PTPRD: variants seen among roughly 807,000 people sequenced by gnomAD.
PTPRD encodes the protein protein tyrosine phosphatase receptor type D, also known as receptor-type tyrosine-protein phosphatase delta.
PTPRD carries 34 observed loss-of-function variants against 214.5 expected under a neutral mutation model. That is an observed-to-expected ratio of 0.16 (90% confidence interval 0.12 to 0.21). The LOEUF (loss-of-function observed/expected upper bound fraction) is 0.21. Ranked by LOEUF, PTPRD falls within the 10% of genes least tolerant of loss-of-function variation. The pLI is 1.00. For missense variants in PTPRD, 2,545 were observed against 2,398.7 expected (o/e 1.06, Z -1.27); for synonymous variants, 1,128 against 845.7 (o/e 1.33, Z -5.79).
intron 5 of PTPRD, among the ~76,000 whole-genome samples, chr9:9,823,957 G>C (rs982248604): frequency 1.3e-5 from 2 of 151,810 alleles, no homozygotes; most frequent in Admixed American, 6.6e-5. Flanking sequence ...TTTTATGTTT[G>C]TATCAAAATA....
chr9:10,598,814 T>G (rs2077269564), intron 2 of PTPRD, among the ~76,000 whole-genome samples: 1 of 150,992 alleles, frequency 6.6e-6, no homozygotes, highest in Non-Finnish European at 1.5e-5. Context: ...CTATTACAGA[T>G]TCAGAGAGTA....
chr9:9,345,454 G>C (rs377221252), intron 9 of PTPRD, among the ~76,000 whole-genome samples: 5 of 151,986 alleles, frequency 3.3e-5, no homozygotes, highest in African/African-American at 1.2e-4. Context: ...ACTAGGAATG[G>C]ACCCTGGGCT....
Position 8,317,840 on chromosome 9 carries a change from C to G in PTPRD, c.*34G>C, listed in dbSNP as rs201687555. 3 of 1,597,004 alleles carry G rather than the reference C, an allele frequency of 1.9e-6. No individual in the cohort carries two copies. Among genetic ancestry groups the G allele is most frequent in the Non-Finnish European group, 8.6e-7 (1 of 1,165,294 alleles). On this transcript the variant is annotated 3_prime_UTR_variant, in exon 46 of 46. Transcript: ENST00000381196. ...AAGAGACTCCATGGATATTGAAGGG[C>G]CTGTAGTAAAAATCCAGAATGGGTC...
chr9:8,488,091 A>G (rs2097070213), intron 27 of PTPRD, among the ~76,000 whole-genome samples: 1 of 152,156 alleles, frequency 6.6e-6, no homozygotes, highest in African/African-American at 2.4e-5. Context: ...GTAATGGGAA[A>G]CAGGTGATAA....
chr9:8,597,656 T>C (rs1205169979), intron 14 of PTPRD, among the ~76,000 whole-genome samples: 1 of 152,208 alleles, frequency 6.6e-6, no homozygotes, highest in African/African-American at 2.4e-5. Flanking sequence ...TAAATCAATA[T>C]CAATTTCATG....
chr9:9,636,273 T>C (rs899555110), intron 7 of PTPRD, among the ~76,000 whole-genome samples: 17 of 152,236 alleles, frequency 1.1e-4, no homozygotes, highest in African/African-American at 3.6e-4. Flanking sequence ...TTTTAAACAA[T>C]GTCTAGGACT....
chr9:9,679,748 C>A (rs1161734270), intron 7 of PTPRD, among the ~76,000 whole-genome samples: 1 of 151,962 alleles, frequency 6.6e-6, no homozygotes, highest in East Asian at 1.9e-4. Context: ...TAACCAAAAT[C>A]ATGAAGGCCT....
intron 9 of PTPRD, among the ~76,000 whole-genome samples, chr9:9,289,548 T>A (rs2134018883): frequency 6.6e-6 from 1 of 151,964 alleles, no homozygotes; most frequent in East Asian, 2.0e-4. Flanking sequence ...ACTATATTCA[T>A]CATACTGTAA....
chr9:8,893,532 A>C (rs953193615), intron 11 of PTPRD, among the ~76,000 whole-genome samples: 2 of 152,190 alleles, frequency 1.3e-5, no homozygotes, highest in African/African-American at 2.4e-5. Flanking sequence ...AAGCAAACAA[A>C]TAGCAATCTG....
rs1187365479 is a variant in PTPRD, at chr9:9,607,005, A to AAAAAAAAAAAT, written c.-286-32225_-286-32224insATTTTTTTTTT. Among the ~76,000 whole-genome samples, 37 of 119,676 alleles carry AAAAAAAAAAAT rather than the reference A, an allele frequency of 3.1e-4. 7 individuals are homozygous for AAAAAAAAAAAT. The highest frequency in any genetic ancestry group is 1.0e-3 in the African/African-American group (32 of 30,506). 78.5% of individuals were successfully genotyped at this position (119,676 alleles called of 152,430 possible). A position where few individuals can be genotyped will look rare whatever the true frequency, so the allele number is the denominator to read the frequency against. On this transcript the variant is annotated intron_variant, in intron 7 of 45. Transcript: ENST00000381196. ...AAAAAAAAAAAAAAAAAAAAAAAAAAGTGTTTCTGCCATGTCACCGACCAG... is the reference window on the plus strand; with the variant it reads ...AAAAAAAAAAAAAAAAAAAAAAAAAAAAAAAAAAAATGTGTTTCTGCCATGTCACCGACCAG...
intron 8 of PTPRD, among the ~76,000 whole-genome samples, chr9:9,503,229 T>C (rs760743788): frequency 6.6e-6 from 1 of 151,812 alleles, no homozygotes; most frequent in Non-Finnish European, 1.5e-5. Context: ...TCAGTAATGT[T>C]ACCATTGGAT....
intron 2 of PTPRD, among the ~76,000 whole-genome samples, chr9:10,388,185 C>T (rs2097963089): frequency 6.6e-6 from 1 of 151,614 alleles, no homozygotes. Context: ...ACAAAAGATG[C>T]TATAATATGG....
intron 7 of PTPRD, among the ~76,000 whole-genome samples, chr9:9,680,989 A>C (rs910631266): frequency 1.3e-5 from 2 of 151,804 alleles, no homozygotes; most frequent in Non-Finnish European, 2.9e-5. Flanking sequence ...TTAGTTCTTT[A>C]ATATGGGACT....
chr9:8,763,216 C>A (rs1376874343), intron 11 of PTPRD, among the ~76,000 whole-genome samples: 1 of 152,120 alleles, frequency 6.6e-6, no homozygotes, highest in Admixed American at 6.6e-5. Context: ...AGACTCCAGT[C>A]ATAAATAATG....
intron 3 of PTPRD, among the ~76,000 whole-genome samples, chr9:10,325,660 C>G (rs1221677786): frequency 3.3e-5 from 5 of 151,864 alleles, no homozygotes; most frequent in African/African-American, 2.4e-5. Flanking sequence ...ATTGTTTGAA[C>G]ATACCAAACA....
chr9:8,713,361 GC>G, intron 12 of PTPRD: 1 of 1,032,234 alleles, frequency 9.7e-7, no homozygotes, highest in Non-Finnish European at 1.5e-6. Flanking sequence ...GTCGCCGCCT[GC>G]CCACTCCCAA....
intron 11 of PTPRD, among the ~76,000 whole-genome samples, chr9:8,983,997 G>A (rs2099327279): frequency 6.6e-6 from 1 of 151,948 alleles, no homozygotes; most frequent in African/African-American, 2.4e-5. Context: ...TTCTTACACT[G>A]CAAATATATT....
intron 11 of PTPRD, among the ~76,000 whole-genome samples, chr9:8,953,142 A>G (rs916795991): frequency 6.6e-6 from 1 of 151,936 alleles, no homozygotes; most frequent in Admixed American, 6.6e-5. Flanking sequence ...GGAACTCATA[A>G]CAAGGGTGAC....
chr9:8,955,636 T>C (rs1394355165), intron 11 of PTPRD, among the ~76,000 whole-genome samples: 1 of 151,784 alleles, frequency 6.6e-6, no homozygotes, highest in East Asian at 1.9e-4. Flanking sequence ...TTTATTTTTT[T>C]ATTATTATCT....
Sources: gnomAD v4.1 joint callset for allele counts (sites outside exome capture counted in the v4.1 genomes callset) on GRCh38, gnomAD v4.1.1 for gene constraint, MANE v1.5 for transcripts, NCBI Gene and HGNC (gene_info 2026-07-23, HGNC 2026-07-21) for gene names.